Variants in PRKG1 observed in about 807,000 individuals in gnomAD.
PRKG1 encodes cGMP-dependent protein kinase 1.
PRKG1 carries 35 observed loss-of-function variants against 88.1 expected under a neutral mutation model. That is an observed-to-expected ratio of 0.40 (90% CI 0.30 to 0.53). The LOEUF (loss-of-function observed/expected upper bound fraction) is 0.53, where lower values mean the gene tolerates loss of function less well. Among genes scored for constraint, PRKG1 ranks in the 20% least tolerant of loss-of-function variants. The pLI, the probability that PRKG1 is intolerant of heterozygous loss-of-function variation, is 0.59. For missense variants in PRKG1, 540 were observed against 839.8 expected (o/e 0.64, Z 4.41); for synonymous variants, 303 against 292.5 (o/e 1.04, Z -0.37).
chr10:51,750,254 C>T (rs1027402396), intron 3 of PRKG1, among the ~76,000 whole-genome samples: 1 of 152,086 alleles, frequency 6.6e-6, no homozygotes, highest in Non-Finnish European at 1.5e-5. Context: ...GTTTGTTAAT[C>T]TCCAAATATT....
chr10:51,332,410 A>G (rs1226142485), intron 2 of PRKG1, among the ~76,000 whole-genome samples: 1 of 150,666 alleles, frequency 6.6e-6, no homozygotes, highest in Non-Finnish European at 1.5e-5. Context: ...CCCTCCACCT[A>G]AAAAAATCAC....
intron 3 of PRKG1, among the ~76,000 whole-genome samples, chr10:51,610,653 A>T (rs1838882528): frequency 6.6e-6 from 1 of 152,156 alleles, no homozygotes; most frequent in South Asian, 2.1e-4. Flanking sequence ...GATAGACTGG[A>T]TAAAGAAAAT....
intron 4 of PRKG1, among the ~76,000 whole-genome samples, chr10:51,867,496 C>G (rs1409835203): frequency 6.6e-6 from 1 of 151,760 alleles, no homozygotes; most frequent in Non-Finnish European, 1.5e-5. Flanking sequence ...TAGGCCAGGG[C>G]AGTGGAAAAT....
intron 1 of PRKG1, among the ~76,000 whole-genome samples, chr10:51,059,440 A>G (rs1843670241): frequency 6.6e-6 from 1 of 152,116 alleles, no homozygotes; most frequent in Non-Finnish European, 1.5e-5. Context: ...ACTGTCATCT[A>G]GGCTCCAGTG....
intron 3 of PRKG1, among the ~76,000 whole-genome samples, chr10:51,479,481 TG>T (rs755225638): frequency 1.8e-4 from 27 of 152,208 alleles, no homozygotes; most frequent in Non-Finnish European, 3.2e-4. Context: ...GGTTTTATTT[TG>T]GGTCAAAGTA....
intron 1 of PRKG1, among the ~76,000 whole-genome samples, chr10:51,149,254 C>T (rs1378108578): frequency 6.6e-6 from 1 of 152,026 alleles, no homozygotes; most frequent in East Asian, 1.9e-4. Flanking sequence ...TTGAAATAAC[C>T]CTACTGTTAT....
chr10:52,197,047 A>G lies in PRKG1; in HGVS notation c.1076+35084A>G, dbSNP rs114959080. 2.2e-3 allele frequency among the ~76,000 whole-genome samples: 337 copies of G among 152,332 alleles called. 1 individual carries two copies. The highest frequency in any genetic ancestry group is 7.1e-3 in the African/African-American group (295 of 41,588). ...GATGCTCACTTTGTGCAGGTTCACT[A>G]CAATTTTATTAGGAAAACACTTGTA... On this transcript the variant is annotated intron_variant, in intron 9 of 17. Transcript: ENST00000373980.
intron 5 of PRKG1, among the ~76,000 whole-genome samples, chr10:52,018,754 G>C (rs1845107160): frequency 6.6e-6 from 1 of 152,090 alleles, no homozygotes; most frequent in South Asian, 2.1e-4. Flanking sequence ...TCTACAATAG[G>C]GAAGATACAT....
chr10:51,724,869 CTT>C (rs556620255), intron 3 of PRKG1, among the ~76,000 whole-genome samples: 2 of 110,754 alleles, frequency 1.8e-5, no homozygotes, highest in African/African-American at 3.6e-5. Flanking sequence ...AATTTTTGTA[CTT>C]TTTTTTTTTT....
At position 51,458,939 on chromosome 10, in the gene PRKG1, C is replaced by T. The variant is rs113394985; in HGVS notation, c.479-8784C>T. 3.5e-3 allele frequency among the ~76,000 whole-genome samples: 533 copies of T among 152,116 alleles called. 1 individual carries two copies. The highest frequency in any genetic ancestry group is 0.012 in the African/African-American group (493 of 41,500). The stretch of plus-strand genomic sequence containing the variant: ...ATACATAGGTGTCATGGAACCAATC[C>T]CCAGGTATATTGAAGAATGACTCTA... On this transcript the variant is annotated intron_variant, in intron 2 of 17. Coordinates refer to ENST00000373980, the MANE Select transcript of PRKG1 (RefSeq NM_006258.4).
intron 3 of PRKG1, among the ~76,000 whole-genome samples, chr10:51,561,703 C>T (rs1837466648): frequency 6.6e-6 from 1 of 151,938 alleles, no homozygotes; most frequent in South Asian, 2.1e-4. Flanking sequence ...AAAAGATGTC[C>T]AGGGGAAATA....
At chr10:52,054,616 G>C in intron 6 of PRKG1, 55 bp downstream of exon 6, 1 of 1,441,932 alleles carries the variant, frequency 6.9e-7, no homozygotes, top group Non-Finnish European at 9.8e-7. Flanking sequence ...GGGTTGGTTA[G>C]TAACTCCAGT....
chr10:51,925,929 A>T (rs1259945945), intron 5 of PRKG1, among the ~76,000 whole-genome samples: 1 of 152,184 alleles, frequency 6.6e-6, no homozygotes, highest in Non-Finnish European at 1.5e-5. Flanking sequence ...ATCAGACCAG[A>T]AACTACTTTT....
At position 52,294,153 on chromosome 10, in the gene PRKG1, A is replaced by G. The variant is rs199525981; in HGVS notation, c.*253A>G. On this transcript the variant is annotated 3_prime_UTR_variant, in exon 18 of 18. Transcript: ENST00000373980. ...CTGAAGCAAAGCCTTTCACCAGTAAAAGATGTTTTCTATTGTTGCAATGAC... is the reference window on the plus strand; with the variant it reads ...CTGAAGCAAAGCCTTTCACCAGTAAGAGATGTTTTCTATTGTTGCAATGAC... The G allele has an allele frequency of 2.6e-6, 1 of 386,440 alleles. No homozygotes were observed. Among genetic ancestry groups the G allele is most frequent in the Non-Finnish European group, 4.7e-6 (1 of 214,990 alleles). The allele number at this position is 386,440 out of a possible 1,614,324, so 23.9% of individuals were successfully genotyped here. A position where few individuals can be genotyped will look rare whatever the true frequency, so the allele number is the denominator to read the frequency against.
chr10:51,983,363 T>C (rs1844065075), intron 5 of PRKG1, among the ~76,000 whole-genome samples: 1 of 152,012 alleles, frequency 6.6e-6, no homozygotes, highest in Admixed American at 6.5e-5. Context: ...TGGGCTGGTG[T>C]ATGGCATGGG....
At chr10:52,186,668 A>G (rs1402603674) in intron 9 of PRKG1, among the ~76,000 whole-genome samples, 1 of 152,110 alleles carries the variant, frequency 6.6e-6, no homozygotes, top group African/African-American at 2.4e-5. Context: ...AGCATATTAT[A>G]CATCCCAACT....
At chr10:51,217,624 A>G (rs1482899790) in intron 2 of PRKG1, among the ~76,000 whole-genome samples, 1 of 152,120 alleles carries the variant, frequency 6.6e-6, no homozygotes, top group East Asian at 1.9e-4. Flanking sequence ...CAGTCCTTCT[A>G]TGAGTTAGGA....
intron 1 of PRKG1, among the ~76,000 whole-genome samples, chr10:50,997,948 A>G (rs148131140): frequency 2.6e-5 from 4 of 152,370 alleles, no homozygotes; most frequent in Admixed American, 2.0e-4. Context: ...TGCATTTCTT[A>G]TAATAATTAT....
chr10:51,023,494 A>G (rs1463666015), intron 1 of PRKG1, among the ~76,000 whole-genome samples: 1 of 152,232 alleles, frequency 6.6e-6, no homozygotes, highest in African/African-American at 2.4e-5. Context: ...GCTTATAGAA[A>G]CAGAGATGAA....
Sources: gnomAD v4.1 joint callset for allele counts (sites outside exome capture counted in the v4.1 genomes callset) on GRCh38, gnomAD v4.1.1 for gene constraint, MANE v1.5 for transcripts, NCBI Gene and HGNC (gene_info 2026-07-23, HGNC 2026-07-21) for gene names.